BAZ2B: variants seen among roughly 807,000 people sequenced by gnomAD.
BAZ2B encodes bromodomain adjacent to zinc finger domain protein 2B.
A neutral mutation model predicts 246.0 loss-of-function variants in BAZ2B; 91 were observed. That is an observed-to-expected ratio of 0.37 (90% confidence interval 0.31 to 0.44). The LOEUF is 0.44. Ranked by LOEUF, BAZ2B falls within the 20% of genes least tolerant of loss-of-function variation. The probability of loss-of-function intolerance (pLI) is 1.00; values close to 1 mark genes in which losing one functional copy is unlikely to be tolerated. For missense variants in BAZ2B, 2,332 were observed against 2,533.7 expected, an observed-to-expected ratio of 0.92 and a Z score of 1.71; for synonymous variants, 855 against 860.0, an observed-to-expected ratio of 0.99 and a Z score of 0.10.
intron 27 of BAZ2B, among the ~76,000 whole-genome samples, chr2:159,357,501 G>T (rs879260885): frequency 2.0e-5 from 3 of 152,146 alleles, no homozygotes; most frequent in Non-Finnish European, 4.4e-5. Flanking sequence ...TTTGATTAGT[G>T]TACCTGAAAA....
intron 20 of BAZ2B, 74 bp downstream of exon 20, chr2:159,395,695 T>C: frequency 3.0e-6 from 4 of 1,340,326 alleles, no homozygotes; most frequent in South Asian, 1.4e-5. Context: ...GAAAAATTTA[T>C]ATTTAGAAGA....
At chr2:159,522,859 C>T (rs1201864357) in intron 2 of BAZ2B, among the ~76,000 whole-genome samples, 1 of 151,914 alleles carries the variant, frequency 6.6e-6, no homozygotes, top group African/African-American at 2.4e-5. Flanking sequence ...CCTACTTTTA[C>T]TAGTACAAAA....
At chr2:159,348,413 T>C (rs1022899740) in intron 30 of BAZ2B, among the ~76,000 whole-genome samples, 4 of 151,354 alleles carry the variant, frequency 2.6e-5, no homozygotes, top group Admixed American at 2.0e-4. Context: ...AGGTTACTTA[T>C]AGTACCTGAG....
the BAZ2B span, among the ~76,000 whole-genome samples, chr2:159,643,257 A>C: frequency 6.6e-6 from 1 of 152,190 alleles, no homozygotes; most frequent in Non-Finnish European, 1.5e-5. Context: ...GGTTAAGTCC[A>C]AGATCAAGGT....
chr2:159,349,118 T>C lies in BAZ2B; in HGVS notation c.5026A>G (p.Ser1676Gly). 1.2e-6 allele frequency: 2 copies of C among 1,614,118 alleles called. No homozygotes were observed. The highest frequency in any genetic ancestry group is 1.7e-6 in the Non-Finnish European group (2 of 1,179,984). ...NSFLTSNVAS[S>G]KSESPVPQNE... ...TGTGGTACTGGAGATTCACTTTTAC[T>C]TGAAGCAACATTGGAAGTCAAGAAT... is the stretch of plus-strand genomic sequence containing the variant. The change falls in exon 29 of 37, where the codon AGT (serine) becomes GGT (glycine). Residue 1676 changes from serine (S) to glycine (G), a missense_variant. Around this residue, in one of 9 missense-constraint regions of BAZ2B, gnomAD observed 676 missense variants for 668.6 expected, o/e 1.01. Coordinates refer to ENST00000392783, the MANE Select transcript of BAZ2B (RefSeq NM_013450.4).
chr2:159,573,043 G>A (rs1402724703), intron 1 of BAZ2B, among the ~76,000 whole-genome samples: 1 of 152,150 alleles, frequency 6.6e-6, no homozygotes, highest in Non-Finnish European at 1.5e-5. Flanking sequence ...ACCAGAAAGT[G>A]GGAAACGAGA....
At chr2:159,577,440 T>C (rs936490172) in intron 1 of BAZ2B, among the ~76,000 whole-genome samples, 6 of 152,230 alleles carry the variant, frequency 3.9e-5, no homozygotes, top group African/African-American at 1.4e-4. Flanking sequence ...TTAGTTACAC[T>C]TTCTGTAAGT....
At chr2:159,540,609 T>C (rs930207164) in intron 2 of BAZ2B, among the ~76,000 whole-genome samples, 1 of 152,236 alleles carries the variant, frequency 6.6e-6, no homozygotes, top group Admixed American at 6.5e-5. Flanking sequence ...TAGTTTTATA[T>C]CCTTTGAGAG....
At chr2:159,566,544 T>A (rs1682637722) in intron 1 of BAZ2B, among the ~76,000 whole-genome samples, 1 of 152,222 alleles carries the variant, frequency 6.6e-6, no homozygotes, top group African/African-American at 2.4e-5. Context: ...TCAGTATCCC[T>A]GAATTCTATA....
At position 159,446,994 on chromosome 2, in the gene BAZ2B, C is replaced by T. The variant is rs2074346207; in HGVS notation, c.503-19G>A. 1 of 1,480,410 alleles carries T rather than the reference C, an allele frequency of 6.8e-7. No individual in the cohort carries two copies. Among genetic ancestry groups the T allele is most frequent in the Admixed American group, 2.3e-5 (1 of 43,738 alleles). 91.7% of individuals were successfully genotyped at this position (1,480,410 alleles called of 1,614,324 possible). A position where few individuals can be genotyped will look rare whatever the true frequency, so the allele number is the denominator to read the frequency against. ...TTTACACCTTGAAAATAAAAATAAA[C>T]ATGTTTATACAATGGAATATTATTG... On this transcript the variant is annotated intron_variant, in intron 5 of 36. Transcript: ENST00000392783.
intron 1 of BAZ2B, among the ~76,000 whole-genome samples, chr2:159,575,744 G>A (rs770641038): frequency 1.3e-5 from 2 of 152,072 alleles, no homozygotes; most frequent in African/African-American, 4.8e-5. Context: ...ATGATTATAT[G>A]TACTCCATTA....
intron 33 of BAZ2B, among the ~76,000 whole-genome samples, chr2:159,333,947 G>T (rs1490460170): frequency 6.6e-6 from 1 of 152,078 alleles, no homozygotes; most frequent in Non-Finnish European, 1.5e-5. Context: ...TCTATTTTTT[G>T]ACCTTTCCTA....
rs145918938 is a variant in BAZ2B, at chr2:159,331,460, G to A, written c.5943+1080C>T. On this transcript the variant is annotated intron_variant, in intron 34 of 36. Coordinates refer to ENST00000392783, the MANE Select transcript of BAZ2B (RefSeq NM_013450.4). Reference sequence around the variant, plus strand: ...TGGGTTCACTGCAACCTCCACCTCTGAGGTTCAAGCGGTTCTCCTGCCTGA... The same window carrying A: ...TGGGTTCACTGCAACCTCCACCTCTAAGGTTCAAGCGGTTCTCCTGCCTGA... Among the ~76,000 whole-genome samples the A allele has an allele frequency of 7.9e-5, 12 of 152,286 alleles. No homozygotes were observed. In the East Asian group the frequency reaches 2.3e-3, roughly 29 times the overall value.
At chr2:159,710,248 G>A in the BAZ2B span, among the ~76,000 whole-genome samples, 1 of 140,950 alleles carries the variant, frequency 7.1e-6, no homozygotes, top group African/African-American at 2.6e-5. Flanking sequence ...TCACTCTGTT[G>A]CCCAGGCTGG....
At chr2:159,526,952 CTTT>C (rs754477480) in intron 2 of BAZ2B, among the ~76,000 whole-genome samples, 1 of 140,664 alleles carries the variant, frequency 7.1e-6, no homozygotes. Context: ...GTGTTTCTTC[CTTT>C]TTTTTTTTTT....
At chr2:159,325,549 A>C in intron 35 of BAZ2B, 104 bp downstream of exon 35, 1 of 1,256,374 alleles carries the variant, frequency 8.0e-7, no homozygotes, top group Non-Finnish European at 1.1e-6. Context: ...ACATTTTTTT[A>C]TTTACATAAA....
chr2:159,476,724 C>T (rs931432387), intron 3 of BAZ2B, among the ~76,000 whole-genome samples: 5 of 152,222 alleles, frequency 3.3e-5, no homozygotes, highest in East Asian at 1.9e-4. Context: ...ATAAATAAGA[C>T]AGCAGATTAG....
At chr2:159,367,276 G>C (rs2060318887) in intron 27 of BAZ2B, among the ~76,000 whole-genome samples, 1 of 152,142 alleles carries the variant, frequency 6.6e-6, no homozygotes, top group Non-Finnish European at 1.5e-5. Context: ...GCACACCCCT[G>C]TGGAACCACT....
the BAZ2B span, among the ~76,000 whole-genome samples, chr2:159,708,128 A>G: frequency 1.3e-5 from 2 of 152,030 alleles, no homozygotes; most frequent in African/African-American, 2.4e-5. Context: ...CTGGGCAGCA[A>G]AAAATTTAAA....
Sources: gnomAD v4.1 joint callset for allele counts (sites outside exome capture counted in the v4.1 genomes callset) on GRCh38, gnomAD v4.1.1 for gene constraint, gnomAD v4.1.1 regional missense constraint, MANE v1.5 for transcripts, NCBI Gene and HGNC (gene_info 2026-07-23, HGNC 2026-07-21) for gene names.